Variants in SGSM1 observed in about 807,000 individuals in gnomAD.
SGSM1 encodes small G protein signaling modulator 1, also known as RUN and TBC1 domain containing 2.
SGSM1 carries 73 observed loss-of-function variants against 133.8 expected under a neutral mutation model. The ratio of observed to expected loss-of-function variants is 0.55; its 90% CI spans 0.45 to 0.66. The LOEUF (loss-of-function observed/expected upper bound fraction) is 0.66. SGSM1 is among the 30% of genes least tolerant of loss of function. SGSM1 has a pLI of 0.00. For synonymous variants in SGSM1, 563 were observed against 573.0 expected, an observed-to-expected ratio of 0.98 and a Z score of 0.25; for missense variants, 1,213 against 1,448.1, an observed-to-expected ratio of 0.84 and a Z score of 2.64.
chr22:24,903,517 A>G (rs1375099270), intron 20 of SGSM1, among the ~76,000 whole-genome samples: 1 of 152,172 alleles, frequency 6.6e-6, no homozygotes, highest in Non-Finnish European at 1.5e-5. Flanking sequence ...CTGAATGTAC[A>G]TATTTTTTAA....
intron 22 of SGSM1, among the ~76,000 whole-genome samples, chr22:24,914,292 CAAAA>C (rs144720210): frequency 5.2e-5 from 5 of 95,306 alleles, no homozygotes; most frequent in Admixed American, 2.4e-4. Context: ...GACTCCATCT[CAAAA>C]AAAAAAAAAA....
chr22:24,920,684 A>G (rs576004087), intron 24 of SGSM1, among the ~76,000 whole-genome samples: 2 of 143,888 alleles, frequency 1.4e-5, no homozygotes, highest in Admixed American at 6.9e-5. Flanking sequence ...GAAAAAAACA[A>G]AAGAAAAAAG....
At chr22:24,873,914 G>A (rs1931890425) in intron 12 of SGSM1, among the ~76,000 whole-genome samples, 1 of 152,114 alleles carries the variant, frequency 6.6e-6, no homozygotes, top group South Asian at 2.1e-4. Flanking sequence ...CATTAGCTGG[G>A]TGGTTTTGGG....
chr22:24,901,869 C>A lies in SGSM1; in HGVS notation c.2647C>A (p.Arg883Ser). 1 of 1,612,274 alleles carries A rather than the reference C, an allele frequency of 6.2e-7. No homozygotes were observed. The highest frequency in any genetic ancestry group is 1.3e-5 in the African/African-American group (1 of 74,964). The change falls in exon 20 of 25, where the codon CGC (arginine) becomes AGC (serine). Residue 883 changes from arginine (R) to serine (S), a missense_variant. Transcript: ENST00000400358. Reference protein sequence around the residue: ...LLDLYTVNLHRIEKDVQRCDR... With the variant: ...LLDLYTVNLHSIEKDVQRCDR... Reference sequence around the variant, plus strand: ...GGATCTGTACACGGTGAACCTGCACCGCATCGAGAAGGATGTGCAGAGGTG... The same window carrying A: ...GGATCTGTACACGGTGAACCTGCACAGCATCGAGAAGGATGTGCAGAGGTG...
chr22:24,901,845 G>T lies in SGSM1; in HGVS notation c.2623G>T (p.Asp875Tyr), dbSNP rs537501741. Residue 875 changes from aspartate to tyrosine, a missense_variant, in exon 20 of 25, where the codon GAT becomes TAT. Asp to Tyr is a radical substitution (Grantham distance 160). Transcript: ENST00000400358. ...CGATGGCCTATAGCCAGAGCTGCTG[G>T]ATCTGTACACGGTGAACCTGCACCG... ...SGVTYSPELL[D>Y]LYTVNLHRIE... 6.2e-7 allele frequency: 1 copy of T among 1,612,972 alleles called. No individual in the cohort carries two copies. The highest frequency in any genetic ancestry group is 1.3e-5 in the African/African-American group (1 of 75,020).
intron 13 of SGSM1, among the ~76,000 whole-genome samples, chr22:24,878,191 C>G (rs1334117351): frequency 6.6e-6 from 1 of 152,128 alleles, no homozygotes; most frequent in Non-Finnish European, 1.5e-5. Flanking sequence ...TCCTAGAGGT[C>G]CTGACTGAGT....
chr22:24,890,254 A>T (rs185413458), intron 16 of SGSM1, among the ~76,000 whole-genome samples: 1 of 151,836 alleles, frequency 6.6e-6, no homozygotes. Flanking sequence ...CCACGCCCGG[A>T]CTTAAACGGA....
At chr22:24,874,414 G>A in intron 12 of SGSM1, 3 of 1,607,204 alleles carry the variant, frequency 1.9e-6, no homozygotes, top group South Asian at 1.1e-5. Context: ...TGTGTCTCAA[G>A]TTGCCCCCGA....
chr22:24,859,474 T>G, intron 8 of SGSM1: 9 of 548,858 alleles, frequency 1.6e-5, no homozygotes, highest in East Asian at 4.0e-5. Context: ...GTGAAAGTGA[T>G]GGGGGTGGGA....
intron 21 of SGSM1, among the ~76,000 whole-genome samples, chr22:24,907,398 C>T (rs988583453): frequency 1.3e-5 from 2 of 151,838 alleles, no homozygotes; most frequent in Admixed American, 6.6e-5. Flanking sequence ...TTTAAAAACC[C>T]AAATAAATGG....
chr22:24,853,662 A>C, intron 5 of SGSM1, among the ~76,000 whole-genome samples: 1 of 151,512 alleles, frequency 6.6e-6, no homozygotes, highest in East Asian at 1.9e-4. Flanking sequence ...GCTGTAGTGC[A>C]GTGGCGCCAT....
At chr22:24,881,192 C>CAAA (rs757336427) in intron 14 of SGSM1, among the ~76,000 whole-genome samples, 1 of 54,386 alleles carries the variant, frequency 1.8e-5, no homozygotes, top group African/African-American at 5.6e-5. Flanking sequence ...GACTCCGTCT[C>CAAA]AAAAAAAAAA....
intron 18 of SGSM1, among the ~76,000 whole-genome samples, chr22:24,896,627 GTTT>G (rs142417545): frequency 2.2e-5 from 3 of 139,260 alleles, no homozygotes; most frequent in Admixed American, 7.2e-5. Flanking sequence ...TTGTTTTTTG[GTTT>G]TTTTTTTTTT....
intron 2 of SGSM1, among the ~76,000 whole-genome samples, chr22:24,836,303 A>G (rs1444361079): frequency 1.3e-5 from 2 of 152,200 alleles, no homozygotes; most frequent in African/African-American, 2.4e-5. Context: ...TTAAGGCTGG[A>G]TAGTATTCCA....
Position 24,877,532 on chromosome 22 carries a change from C to T in SGSM1, c.1430+817C>T, listed in dbSNP as rs1053839601. ...CCTGGCCTGGCCTGAGAAAATAGAA[C>T]CCTTTTGTCCTTGCGGGGCTTCTGT... On this transcript the variant is annotated intron_variant, in intron 13 of 24. Transcript: ENST00000400358. 2.6e-5 allele frequency among the ~76,000 whole-genome samples: 4 copies of T among 152,056 alleles called. No homozygotes were observed. In the South Asian group the frequency reaches 6.2e-4, roughly 24 times the overall value.
chr22:24,828,701 C>A (rs1366106821), intron 2 of SGSM1, among the ~76,000 whole-genome samples: 1 of 152,188 alleles, frequency 6.6e-6, no homozygotes, highest in African/African-American at 2.4e-5. Context: ...AAATACCATT[C>A]GATCCAGCAA....
chr22:24,838,679 A>G (rs1272814261), intron 2 of SGSM1, among the ~76,000 whole-genome samples: 1 of 152,022 alleles, frequency 6.6e-6, no homozygotes, highest in African/African-American at 2.4e-5. Flanking sequence ...TCATTTGATT[A>G]TATATGTGAG....
Position 24,926,124 on chromosome 22 carries a change from CA to C in SGSM1, c.*1851del, listed in dbSNP as rs1366355323. 6.6e-6 allele frequency: 1 copy of C among 152,000 alleles called. No homozygotes were observed. The highest frequency in any genetic ancestry group is 1.5e-5 in the Non-Finnish European group (1 of 68,076). 9.4% of individuals were successfully genotyped at this position (152,000 alleles called of 1,614,324 possible). On this transcript the variant is annotated 3_prime_UTR_variant, in exon 25 of 25. Transcript: ENST00000400358. ...TTGCGGAGGGGTGTATTAGTCCTCC[CA>C]CCCTGAGCACACCAGGACGGGGATG...
At chr22:24,877,307 G>A (rs1007069618) in intron 13 of SGSM1, among the ~76,000 whole-genome samples, 2 of 152,218 alleles carry the variant, frequency 1.3e-5, no homozygotes, top group African/African-American at 4.8e-5. Context: ...TTATATGGCT[G>A]TGGTAAGGAC....
Sources: gnomAD v4.1 joint callset for allele counts (sites outside exome capture counted in the v4.1 genomes callset) on GRCh38, gnomAD v4.1.1 for gene constraint, MANE v1.5 for transcripts, NCBI Gene and HGNC (gene_info 2026-07-23, HGNC 2026-07-21) for gene names.